Variants in TMPRSS11A observed in about 807,000 individuals in gnomAD.
TMPRSS11A encodes transmembrane protease serine 11A.
A neutral mutation model predicts 58.9 loss-of-function variants in TMPRSS11A; 53 were observed. The ratio of observed to expected loss-of-function variants is 0.90; its 90% confidence interval spans 0.72 to 1.13. The LOEUF (loss-of-function observed/expected upper bound fraction) is 1.13, where lower values mean the gene tolerates loss of function less well. Among genes scored for constraint, TMPRSS11A ranks in the 50% most tolerant of loss-of-function variants. The probability of loss-of-function intolerance (pLI) is 0.00; values close to 1 mark genes in which losing one functional copy is unlikely to be tolerated. For missense variants in TMPRSS11A, 493 were observed against 499.3 expected, an observed-to-expected ratio of 0.99 and a Z score of 0.12; for synonymous variants, 167 against 169.8, an observed-to-expected ratio of 0.98 and a Z score of 0.13.
Position 67,919,097 on chromosome 4 carries a change from C to T in TMPRSS11A, c.828G>A (p.Val276=), listed in dbSNP as rs1419064715. Residue 276 remains valine, a synonymous_variant, in exon 8 of 10, where the codon GTG becomes GTA. Coordinates refer to ENST00000508048, the MANE Select transcript of TMPRSS11A (RefSeq NM_001114387.2). ...SAAREYDIAV[V]QVSSRVTFSD... is the part of the protein sequence containing the mutation. The stretch of plus-strand genomic sequence containing the variant: ...AAAAGGTGACTCTGGAAGAGACCTG[C>T]ACAACAGCAATGTCGTACTCTCTTG... 7 of 1,614,186 alleles carry T rather than the reference C, an allele frequency of 4.3e-6. No individual in the cohort carries two copies. Among genetic ancestry groups the T allele is most frequent in the Non-Finnish European group, 5.1e-6 (6 of 1,180,028 alleles).
intron 3 of TMPRSS11A, among the ~76,000 whole-genome samples, chr4:67,939,352 G>T (rs141414512): frequency 1.3e-5 from 2 of 152,158 alleles, no homozygotes; most frequent in Admixed American, 1.3e-4. Context: ...TAATCATATT[G>T]TCAGTAAAGA....
At chr4:67,944,952 T>C (rs1720967373) in intron 2 of TMPRSS11A, among the ~76,000 whole-genome samples, 1 of 152,158 alleles carries the variant, frequency 6.6e-6, no homozygotes, top group Admixed American at 6.6e-5. Flanking sequence ...AAGTAAATTG[T>C]TCTGTAACTA....
At chr4:67,918,879 T>G in intron 8 of TMPRSS11A, 94 bp downstream of exon 8, 1 of 1,400,010 alleles carries the variant, frequency 7.1e-7, no homozygotes, top group South Asian at 1.3e-5. Context: ...AACCAGACTG[T>G]GTGGAAATGG....
chr4:67,929,924 T>C lies in TMPRSS11A; in HGVS notation c.437A>G (p.Asn146Ser). 6.2e-7 allele frequency: 1 copy of C among 1,613,726 alleles called. No individual in the cohort carries two copies. Among genetic ancestry groups the C allele is most frequent in the Non-Finnish European group, 8.5e-7 (1 of 1,179,736 alleles). ...IQSILNQKIR[N>S]LRALPINASS... ...GGCATTTATTGGCAAGGCTCTTAAA[T>C]TCCTTATCTTCTGATTTAAGATGCT... is the stretch of plus-strand genomic sequence containing the variant. The change falls in exon 5 of 10, where the codon AAT (asparagine) becomes AGT (serine). Residue 146 changes from asparagine to serine, a missense_variant. Transcript: ENST00000508048.
At chr4:67,939,813 C>T (rs957182596) in intron 3 of TMPRSS11A, among the ~76,000 whole-genome samples, 3 of 152,054 alleles carry the variant, frequency 2.0e-5, no homozygotes, top group Non-Finnish European at 2.9e-5. Flanking sequence ...CTCAGCCCTC[C>T]GAGTAGCTGG....
intron 9 of TMPRSS11A, among the ~76,000 whole-genome samples, chr4:67,912,556 G>A (rs1440425395): frequency 1.3e-5 from 2 of 152,156 alleles, no homozygotes; most frequent in Admixed American, 1.3e-4. Context: ...GTCATTGCTT[G>A]TCTAAACTTC....
At position 67,956,679 on chromosome 4, in the gene TMPRSS11A, G is replaced by A. The variant is rs146035183; in HGVS notation, c.11+6704C>T. On this transcript the variant is annotated intron_variant, in intron 1 of 9. Transcript: ENST00000508048. Reference sequence around the variant, plus strand: ...TGTATAATAAATGGTAGCTGTTGATGCACTACAAATGAATCATCACCCACT... The same window carrying A: ...TGTATAATAAATGGTAGCTGTTGATACACTACAAATGAATCATCACCCACT... Among the ~76,000 whole-genome samples, 1,397 of 152,280 alleles carry A rather than the reference G, an allele frequency of 9.2e-3. 23 individuals are homozygous for A. Among genetic ancestry groups the A allele is most frequent in the African/African-American group, 0.03 (1,257 of 41,540 alleles).
At chr4:67,954,111 C>T (rs892655471) in intron 1 of TMPRSS11A, among the ~76,000 whole-genome samples, 2 of 152,036 alleles carry the variant, frequency 1.3e-5, no homozygotes, top group Admixed American at 1.3e-4. Context: ...AAGTTAGGAA[C>T]CAAGAAAAGA....
intron 7 of TMPRSS11A, 111 bp downstream of exon 7, chr4:67,922,644 T>G: frequency 9.4e-7 from 1 of 1,069,204 alleles, no homozygotes. Context: ...CTGAAATAAC[T>G]TTTTCTTATT....
In TMPRSS11A at chr4:67,911,339, G is replaced by T. The variant is rs939680050; in HGVS notation, c.*3C>A. The T allele has an allele frequency of 6.2e-7, 1 of 1,612,410 alleles. No homozygotes were observed. The highest frequency in any genetic ancestry group is 1.7e-5 in the Admixed American group (1 of 59,860). ...GCTTTCTTTGTTTAACTTTTATCGT[G>T]AATTAGATGCCTGTTTTTGAAGCAA... On this transcript the variant is annotated 3_prime_UTR_variant, in exon 10 of 10. Coordinates refer to ENST00000508048, the MANE Select transcript of TMPRSS11A (RefSeq NM_001114387.2).
intron 3 of TMPRSS11A, among the ~76,000 whole-genome samples, chr4:67,942,105 A>T (rs957341004): frequency 6.6e-6 from 1 of 152,252 alleles, no homozygotes; most frequent in Admixed American, 6.5e-5. Flanking sequence ...CAAAAAGTTA[A>T]TAATTATACG....
At position 67,954,842 on chromosome 4, in the gene TMPRSS11A, T is replaced by C. The variant is rs56937240; in HGVS notation, c.12-8271A>G. ...GCCCTTTTGTGTCTTAGTTCTTCCA[T>C]TTGTAAAATGCAAATAAAATTGATA... On this transcript the variant is annotated intron_variant, in intron 1 of 9. Coordinates refer to ENST00000508048, the MANE Select transcript of TMPRSS11A (RefSeq NM_001114387.2). Among the ~76,000 whole-genome samples the C allele has an allele frequency of 2.8e-3, 429 of 152,316 alleles. 2 individuals are homozygous for C. Among genetic ancestry groups the C allele is most frequent in the African/African-American group, 9.4e-3 (392 of 41,588 alleles).
At chr4:67,911,601 A>G in intron 9 of TMPRSS11A, 98 bp from the exon 10 acceptor site, 4 of 914,516 alleles carry the variant, frequency 4.4e-6, no homozygotes, top group Non-Finnish European at 6.6e-6. Context: ...GTTACTAGAC[A>G]GTACATGTAT....
rs927252043 is a variant in TMPRSS11A at position 67,909,549 on chromosome 4, G to A, written c.*1793C>T. ...TCTGAACATCCAAAGTCAGCATTAA[G>A]TTTTACCACCATAATATAGAATAAT... On this transcript the variant is annotated 3_prime_UTR_variant, in exon 10 of 10. Coordinates refer to ENST00000508048, the MANE Select transcript of TMPRSS11A (RefSeq NM_001114387.2). The A allele has an allele frequency of 6.6e-6, 1 of 152,120 alleles. No homozygotes were observed. The highest frequency in any genetic ancestry group is 1.5e-5 in the Non-Finnish European group (1 of 67,994). The allele number at this position is 152,120 out of a possible 1,614,324, so 9.4% of individuals were successfully genotyped here.
At chr4:67,936,704 C>T (rs1340783497) in intron 3 of TMPRSS11A, among the ~76,000 whole-genome samples, 1 of 152,162 alleles carries the variant, frequency 6.6e-6, no homozygotes, top group Admixed American at 6.5e-5. Context: ...AGACATCTGT[C>T]ACTACTCACG....
intron 3 of TMPRSS11A, among the ~76,000 whole-genome samples, chr4:67,932,342 G>C (rs1720649225): frequency 6.6e-6 from 1 of 152,172 alleles, no homozygotes; most frequent in Non-Finnish European, 1.5e-5. Context: ...TACTGTGCTA[G>C]AGTAGGTTTC....
intron 1 of TMPRSS11A, 139 bp from the exon 2 acceptor site, chr4:67,946,710 G>T: frequency 1.3e-6 from 1 of 764,434 alleles, no homozygotes; most frequent in Non-Finnish European, 1.9e-6. Flanking sequence ...TGTCATCTTG[G>T]TCTGAGAAGA....
chr4:67,958,677 C>T (rs1039752862), intron 1 of TMPRSS11A, among the ~76,000 whole-genome samples: 1 of 152,112 alleles, frequency 6.6e-6, no homozygotes, highest in Non-Finnish European at 1.5e-5. Flanking sequence ...TGAGTTAAGA[C>T]TTTGGATGAC....
At chr4:67,946,356 G>T in intron 2 of TMPRSS11A, 94 bp downstream of exon 2, 1 of 1,312,318 alleles carries the variant, frequency 7.6e-7, no homozygotes, top group Non-Finnish European at 1.0e-6. Context: ...AGGTAAATGT[G>T]CAATTTTTTA....
Sources: allele counts gnomAD v4.1 joint callset (sites outside exome capture counted in the v4.1 genomes callset), GRCh38; gene constraint gnomAD v4.1.1; transcripts MANE v1.5; gene names NCBI Gene and HGNC (gene_info 2026-07-23, HGNC 2026-07-21).